Variants in PPP3R1 observed in about 807,000 individuals in gnomAD.
The protein encoded by PPP3R1 is calcineurin subunit B type 1.
In PPP3R1, 5 loss-of-function variants were observed where a neutral mutation model predicts 22.6. The observed-to-expected ratio is 0.22, with a 90% CI of 0.12 to 0.46. The LOEUF (loss-of-function observed/expected upper bound fraction) is 0.46. PPP3R1 is among the 20% of genes least tolerant of loss of function. PPP3R1 has a pLI of 0.99. For synonymous variants in PPP3R1, 56 were observed against 65.2 expected (o/e 0.86, Z 0.68); for missense variants, 61 against 203.2 (o/e 0.30, Z 4.25).
intron 1 of PPP3R1, among the ~76,000 whole-genome samples, chr2:68,218,702 T>C (rs941950113): frequency 2.0e-5 from 3 of 148,994 alleles, no homozygotes; most frequent in Non-Finnish European, 3.0e-5. Flanking sequence ...GTATTTTATT[T>C]ACTAAAATTT....
intron 2 of PPP3R1, among the ~76,000 whole-genome samples, chr2:68,199,936 A>G (rs1343728180): frequency 1.3e-5 from 2 of 152,176 alleles, no homozygotes; most frequent in African/African-American, 2.4e-5. Flanking sequence ...CCATCAAGGT[A>G]ATGCTAGCTT....
intron 1 of PPP3R1, among the ~76,000 whole-genome samples, chr2:68,235,933 T>C (rs148445868): frequency 2.0e-5 from 3 of 152,338 alleles, no homozygotes; most frequent in Non-Finnish European, 2.9e-5. Context: ...AATTCTCTAA[T>C]GACTAATGAT....
chr2:68,198,690 C>T (rs1674890418), intron 2 of PPP3R1, among the ~76,000 whole-genome samples: 1 of 151,960 alleles, frequency 6.6e-6, no homozygotes, highest in Non-Finnish European at 1.5e-5. Context: ...ATGGAATTAA[C>T]CATCAGTTTG....
chr2:68,225,051 G>T (rs574159007), intron 1 of PPP3R1, among the ~76,000 whole-genome samples: 1 of 152,350 alleles, frequency 6.6e-6, no homozygotes, highest in East Asian at 1.9e-4. Flanking sequence ...CACACAAAGT[G>T]TAACTGAAGA....
chr2:68,205,244 T>TTC (rs1675093784), intron 2 of PPP3R1, among the ~76,000 whole-genome samples: 1 of 85,504 alleles, frequency 1.2e-5, no homozygotes, highest in Non-Finnish European at 2.6e-5. Flanking sequence ...AGTATTATCT[T>TTC]TTTTTTTTTT....
intron 2 of PPP3R1, among the ~76,000 whole-genome samples, chr2:68,199,205 G>A (rs1674904285): frequency 6.6e-6 from 1 of 152,020 alleles, no homozygotes; most frequent in African/African-American, 2.4e-5. Flanking sequence ...CTCGTGATCT[G>A]CCCACCTCAG....
Position 68,198,407 on chromosome 2 carries a change from A to G in PPP3R1, c.44-9717T>C, listed in dbSNP as rs912313112. On this transcript the variant is annotated intron_variant, in intron 2 of 5. Coordinates refer to ENST00000234310, the MANE Select transcript of PPP3R1 (RefSeq NM_000945.4). ...TGCATATATATGTATATATATGTGT[A>G]TGTATATGCATATATACGTATATAT... Among the ~76,000 whole-genome samples the G allele has an allele frequency of 5.0e-4, 55 of 109,914 alleles. No individual in the cohort carries two copies. The South Asian group carries it at 0.011, about 22-fold the overall frequency. The allele number at this position is 109,914 out of a possible 152,430, so 72.1% of individuals were successfully genotyped here. A position where few individuals can be genotyped will look rare whatever the true frequency, so the allele number is the denominator to read the frequency against.
intron 1 of PPP3R1, among the ~76,000 whole-genome samples, chr2:68,228,102 C>T (rs1669821336): frequency 6.6e-6 from 1 of 152,044 alleles, no homozygotes; most frequent in Non-Finnish European, 1.5e-5. Context: ...CACAGATGTT[C>T]TTTATTCAAC....
intron 2 of PPP3R1, among the ~76,000 whole-genome samples, chr2:68,205,823 C>A (rs1166340741): frequency 6.6e-6 from 1 of 151,198 alleles, no homozygotes; most frequent in Non-Finnish European, 1.5e-5. Flanking sequence ...TGTGTAGGCT[C>A]TTCTTTTTTT....
chr2:68,236,725 T>C (rs1463944537), intron 1 of PPP3R1, among the ~76,000 whole-genome samples: 1 of 152,116 alleles, frequency 6.6e-6, no homozygotes, highest in African/African-American at 2.4e-5. Flanking sequence ...TTTACTATCA[T>C]ATGGCCTAGA....
intron 1 of PPP3R1, among the ~76,000 whole-genome samples, chr2:68,219,733 C>T (rs1314234925): frequency 6.6e-6 from 1 of 152,114 alleles, no homozygotes; most frequent in Non-Finnish European, 1.5e-5. Context: ...CAATAAGGTA[C>T]TGACATTTAC....
intron 1 of PPP3R1, among the ~76,000 whole-genome samples, chr2:68,229,034 T>G (rs138325412): frequency 2.3e-3 from 351 of 152,106 alleles, no homozygotes; most frequent in African/African-American, 7.7e-3. Flanking sequence ...TTCTGGGGGG[T>G]TTTCTGAGAC....
chr2:68,214,913 A>G (rs1463177610), intron 2 of PPP3R1, among the ~76,000 whole-genome samples: 1 of 152,238 alleles, frequency 6.6e-6, no homozygotes, highest in Non-Finnish European at 1.5e-5. Flanking sequence ...TAGACTGGAT[A>G]AAGAAAATGA....
chr2:68,218,468 G>T (rs1174880412), intron 1 of PPP3R1, among the ~76,000 whole-genome samples: 3 of 152,080 alleles, frequency 2.0e-5, no homozygotes, highest in African/African-American at 7.2e-5. Context: ...GTTAAAGTGA[G>T]GATAAAAGAA....
chr2:68,207,204 T>C (rs1428758071), intron 2 of PPP3R1, among the ~76,000 whole-genome samples: 2 of 126,484 alleles, frequency 1.6e-5, no homozygotes, highest in African/African-American at 6.3e-5. Context: ...TTGATCCAAA[T>C]AGTCAGGAAA....
chr2:68,210,206 C>T (rs1298939797), intron 2 of PPP3R1, among the ~76,000 whole-genome samples: 1 of 152,150 alleles, frequency 6.6e-6, no homozygotes, highest in Non-Finnish European at 1.5e-5. Context: ...CCAATTCTTA[C>T]AATCTCCTCT....
At chr2:68,184,882 G>C (rs1385854570) in intron 5 of PPP3R1, among the ~76,000 whole-genome samples, 2 of 152,142 alleles carry the variant, frequency 1.3e-5, no homozygotes, top group African/African-American at 4.8e-5. Context: ...GAAGCTAGGA[G>C]CTGGAGACCA....
At chr2:68,221,672 G>T (rs527284823) in intron 1 of PPP3R1, among the ~76,000 whole-genome samples, 1 of 150,546 alleles carries the variant, frequency 6.6e-6, no homozygotes, top group Non-Finnish European at 1.5e-5. Flanking sequence ...ACTCTAAGTA[G>T]AAGAAACATG....
At chr2:68,226,544 A>ATT (rs1018457611) in intron 1 of PPP3R1, among the ~76,000 whole-genome samples, 24 of 152,302 alleles carry the variant, frequency 1.6e-4, no homozygotes, top group Non-Finnish European at 2.2e-4. Flanking sequence ...TTCATAGCAA[A>ATT]TAACATTTTC....
Sources: allele counts gnomAD v4.1 joint callset (sites outside exome capture counted in the v4.1 genomes callset), GRCh38; gene constraint gnomAD v4.1.1; transcripts MANE v1.5; gene names NCBI Gene and HGNC (gene_info 2026-07-23, HGNC 2026-07-21).